THRAP3: variants seen among roughly 807,000 people sequenced by gnomAD.
THRAP3 encodes the protein thyroid hormone receptor-associated protein 3.
A neutral mutation model predicts 101.0 loss-of-function variants in THRAP3; 16 were observed. The ratio of observed to expected loss-of-function variants is 0.16; its 90% CI spans 0.11 to 0.24. THRAP3 has a LOEUF of 0.24. Among genes scored for constraint, THRAP3 ranks in the 10% least tolerant of loss-of-function variants. The probability of loss-of-function intolerance (pLI) is 1.00; values close to 1 mark genes in which losing one functional copy is unlikely to be tolerated. For synonymous variants in THRAP3, 407 were observed against 422.6 expected (o/e 0.96, Z 0.45); for missense variants, 989 against 1,202.7 (o/e 0.82, Z 2.63).
intron 2 of THRAP3, among the ~76,000 whole-genome samples, chr1:36,270,320 G>A (rs1455819620): frequency 6.6e-6 from 1 of 152,030 alleles, no homozygotes; most frequent in Non-Finnish European, 1.5e-5. Flanking sequence ...AGCCAGCCAG[G>A]GAGGTTGAGG....
chr1:36,297,743 G>A (rs984372161), intron 9 of THRAP3, among the ~76,000 whole-genome samples: 2 of 151,080 alleles, frequency 1.3e-5, no homozygotes, highest in Non-Finnish European at 2.9e-5. Flanking sequence ...ATGCCTGGCC[G>A]CGTTTTTATA....
intron 9 of THRAP3, among the ~76,000 whole-genome samples, chr1:36,299,572 C>G (rs1206209980): frequency 1.3e-5 from 2 of 151,578 alleles, no homozygotes; most frequent in Non-Finnish European, 2.9e-5. Flanking sequence ...ATGATCTCGG[C>G]TCACTGCAAC....
intron 2 of THRAP3, among the ~76,000 whole-genome samples, chr1:36,280,831 G>A (rs537731227): frequency 5.9e-5 from 9 of 151,906 alleles, no homozygotes; most frequent in Non-Finnish European, 8.8e-5. Flanking sequence ...GGGCAACTTA[G>A]AGGCGCTCTT....
chr1:36,275,289 C>CAA (rs57081471), intron 2 of THRAP3, among the ~76,000 whole-genome samples: 1 of 101,456 alleles, frequency 9.9e-6, no homozygotes, highest in Non-Finnish European at 2.0e-5. Flanking sequence ...GAGTCTGTCT[C>CAA]AAAAAAAAAA....
chr1:36,284,687 T>G (rs952132770), intron 3 of THRAP3, among the ~76,000 whole-genome samples: 2 of 152,240 alleles, frequency 1.3e-5, no homozygotes, highest in Non-Finnish European at 2.9e-5. Context: ...TTCCTGCATC[T>G]GTGCAATGAC....
chr1:36,303,854 G>C lies in THRAP3; in HGVS notation c.2705G>C (p.Gly902Ala). The C allele has an allele frequency of 6.2e-7, 1 of 1,614,148 alleles. No homozygotes were observed. Residue 902 changes from glycine (G) to alanine (A), a missense_variant, in exon 12 of 12, where the codon GGA becomes GCA. By Grantham distance (60) the Gly-to-Ala change is moderately conservative. Coordinates refer to ENST00000354618, the MANE Select transcript of THRAP3 (RefSeq NM_005119.4). ...TGGGTGAGCCGGGGCCGGGGCCGAG[G>C]AGCCTTTCCTCGGGGTCGGGGCCGG... The part of the protein sequence containing the change: ...DKWVSRGRGR[G>A]AFPRGRGRFM...
chr1:36,288,503 C>G, intron 4 of THRAP3: 1 of 985,446 alleles, frequency 1.0e-6, no homozygotes, highest in Non-Finnish European at 1.2e-6. Context: ...GCTGCTGTCA[C>G]CCTCTCCCCC....
Position 36,286,799 on chromosome 1 carries a change from C to T in THRAP3, c.569C>T (p.Ser190Phe). 5.0e-6 allele frequency: 8 copies of T among 1,614,238 alleles called. No homozygotes were observed. The highest frequency in any genetic ancestry group is 6.8e-6 in the Non-Finnish European group (8 of 1,180,046). Residue 190 changes from serine (S) to phenylalanine (F), a missense_variant, in exon 4 of 12, where the codon TCT becomes TTT. Ser to Phe is a radical substitution (Grantham distance 155, BLOSUM62 -2). Transcript: ENST00000354618. This position sits in a 1 kb window ranked among gnomAD's most constrained non-coding sequence, Gnocchi z 5.5. ...TCCTCTTCTAAGGATAGCCGGCCAT[C>T]TCAGGCTGCCGGGGATAACCAGGGA... is the stretch of plus-strand genomic sequence containing the variant. ...KKSSSKDSRP[S>F]QAAGDNQGDE...
intron 7 of THRAP3, 148 bp downstream of exon 7, chr1:36,292,857 A>G: frequency 3.3e-6 from 2 of 603,156 alleles, no homozygotes; most frequent in Middle Eastern, 2.6e-4. Context: ...ATAGGCATTT[A>G]TATTTGAGAG....
chr1:36,246,945 T>C (rs1161459136), intron 1 of THRAP3, among the ~76,000 whole-genome samples: 2 of 152,214 alleles, frequency 1.3e-5, no homozygotes, highest in Admixed American at 6.5e-5. Flanking sequence ...ATTGATAATA[T>C]ACATTGTTCA....
chr1:36,250,583 T>C (rs1645288436), intron 1 of THRAP3, among the ~76,000 whole-genome samples: 1 of 152,038 alleles, frequency 6.6e-6, no homozygotes, highest in Admixed American at 6.6e-5. Context: ...TTAGGAATGT[T>C]TTCTAAGACT....
chr1:36,275,621 T>G (rs923894533), intron 2 of THRAP3, among the ~76,000 whole-genome samples: 2 of 151,366 alleles, frequency 1.3e-5, no homozygotes, highest in Non-Finnish European at 3.0e-5. Context: ...TTTTTTTTTT[T>G]TCTTTTGAGA....
intron 1 of THRAP3, among the ~76,000 whole-genome samples, chr1:36,245,615 T>G (rs1570254879): frequency 6.6e-6 from 1 of 152,068 alleles, no homozygotes; most frequent in East Asian, 1.9e-4. Flanking sequence ...TCCTGATCCA[T>G]CCCCTTATCC....
chr1:36,287,257 G>A lies in THRAP3; in HGVS notation c.1027G>A (p.Ala343Thr). 1 of 1,603,564 alleles carries A rather than the reference G, an allele frequency of 6.2e-7. No individual in the cohort carries two copies. Among genetic ancestry groups the A allele is most frequent in the Non-Finnish European group, 8.5e-7 (1 of 1,174,716 alleles). Residue 343 changes from alanine to threonine, a missense_variant, in exon 4 of 12, where the codon GCC (alanine) becomes ACC (threonine). Physicochemically the swap from Ala to Thr is moderately conservative, Grantham distance 58 (BLOSUM62 0). Transcript: ENST00000354618. ...KEESAASGGA[A>T]YTKRYLEEQK... ...GGAGAGTGCTGCTTCAGGAGGAGCA[G>A]CCTATACAAAGAGGCAAGTATCTCA...
chr1:36,269,287 AG>A (rs1557433761), intron 2 of THRAP3, among the ~76,000 whole-genome samples: 1 of 152,090 alleles, frequency 6.6e-6, no homozygotes. Flanking sequence ...TTTTTTTTAC[AG>A]TGGATTTCGG....
chr1:36,215,812 C>T, the THRAP3 span, among the ~76,000 whole-genome samples: 4 of 151,642 alleles, frequency 2.6e-5, no homozygotes, highest in South Asian at 2.1e-4. Context: ...TGCAACGGCA[C>T]GATCTCAGCT....
intron 1 of THRAP3, among the ~76,000 whole-genome samples, chr1:36,247,783 A>G (rs1405228273): frequency 6.6e-6 from 1 of 151,438 alleles, no homozygotes; most frequent in Non-Finnish European, 1.5e-5. Flanking sequence ...TATACAGTAC[A>G]TTATTATTTA....
At chr1:36,270,485 A>G (rs1484141241) in intron 2 of THRAP3, among the ~76,000 whole-genome samples, 1 of 152,122 alleles carries the variant, frequency 6.6e-6, no homozygotes, top group East Asian at 1.9e-4. Context: ...TTAAAGTCAT[A>G]AAAAGGCAAA....
At chr1:36,303,664 C>A in intron 11 of THRAP3, 132 bp from the exon 12 acceptor site, 1 of 1,375,674 alleles carries the variant, frequency 7.3e-7, no homozygotes, top group Non-Finnish European at 9.8e-7. Flanking sequence ...GGGAGAAGTG[C>A]AGAAAAGGAT....
Sources: gnomAD v4.1 joint callset for allele counts (sites outside exome capture counted in the v4.1 genomes callset) on GRCh38, gnomAD v4.1.1 for gene constraint, Gnocchi (gnomAD v3.1) non-coding constraint, MANE v1.5 for transcripts, NCBI Gene and HGNC (gene_info 2026-07-23, HGNC 2026-07-21) for gene names.